SRCAP: variants seen among roughly 807,000 people sequenced by gnomAD.
SRCAP encodes Snf2 related CREBBP activator protein, also known as chromatin remodeling protein SRCAP.
Under a neutral mutation model 263.1 loss-of-function variants are expected in SRCAP, and 46 were observed. The ratio of observed to expected loss-of-function variants is 0.17; its 90% CI spans 0.14 to 0.22. The LOEUF is 0.22. Among genes scored for constraint, SRCAP ranks in the 10% least tolerant of loss-of-function variants. The probability of loss-of-function intolerance (pLI) is 1.00; values close to 1 mark genes in which losing one functional copy is unlikely to be tolerated. For synonymous variants in SRCAP, 1,813 were observed against 1,662.1 expected, an observed-to-expected ratio of 1.09 and a Z score of -2.21; for missense variants, 3,695 against 4,181.9, an observed-to-expected ratio of 0.88 and a Z score of 3.21.
chr16:30,725,092 A>G lies in SRCAP; in HGVS notation c.5658+10A>G. ...TTCCCCTTTTTATCTGGTAAGTTTTACTTCCTCAAGAGGGAACAGGAAGTT... is the reference window on the plus strand; with the variant it reads ...TTCCCCTTTTTATCTGGTAAGTTTTGCTTCCTCAAGAGGGAACAGGAAGTT... On this transcript the variant is annotated intron_variant, in intron 25 of 33. Transcript: ENST00000262518. 3 of 1,596,274 alleles carry G rather than the reference A, an allele frequency of 1.9e-6. No individual in the cohort carries two copies. Among genetic ancestry groups the G allele is most frequent in the Non-Finnish European group, 8.5e-7 (1 of 1,170,696 alleles).
At chr16:30,720,605 T>C (rs2053001744) in intron 19 of SRCAP, 108 bp from the exon 20 acceptor site, 2 of 1,333,738 alleles carry the variant, frequency 1.5e-6, no homozygotes, top group South Asian at 1.5e-5. Flanking sequence ...TCTTTCCTTT[T>C]CTTTGCTTTT....
intron 25 of SRCAP, chr16:30,725,413 C>T: frequency 1.3e-5 from 4 of 305,792 alleles, no homozygotes; most frequent in South Asian, 1.1e-4. Context: ...CTGTTTCTTT[C>T]CTGTACTATG....
In SRCAP at chr16:30,733,179, C is replaced by T. The variant is rs2151298180; in HGVS notation, c.6128-101C>T. On this transcript the variant is annotated intron_variant, in intron 27 of 33. Coordinates refer to ENST00000262518, the MANE Select transcript of SRCAP (RefSeq NM_006662.3). The surrounding 1 kb of genome is among the most constrained non-coding windows in gnomAD (Gnocchi z 5.3). ...TCTGCTAGGCTAATTGAAACTTTGG[C>T]TTAAAGCATTGATTATCTTTCAACC... 1 of 1,384,496 alleles carries T rather than the reference C, an allele frequency of 7.2e-7. No homozygotes were observed. The highest frequency in any genetic ancestry group is 2.3e-5 in the East Asian group (1 of 43,508). The allele number at this position is 1,384,496 out of a possible 1,614,324, so 85.8% of individuals were successfully genotyped here. A position where few individuals can be genotyped will look rare whatever the true frequency, so the allele number is the denominator to read the frequency against.
At chr16:30,701,182 T>C (rs376726997) in intron 3 of SRCAP, among the ~76,000 whole-genome samples, 10 of 152,322 alleles carry the variant, frequency 6.6e-5, no homozygotes, top group African/African-American at 2.4e-4. Flanking sequence ...TTAACTTCTA[T>C]CAGTACTGGA....
Position 30,725,264 on chromosome 16 carries a change from G to A in SRCAP, c.5658+182G>A, listed in dbSNP as rs182023162. On this transcript the variant is annotated intron_variant, in intron 25 of 33. Coordinates refer to ENST00000262518, the MANE Select transcript of SRCAP (RefSeq NM_006662.3). ...TCCCTGGGCGTGTACCTCATGATCC[G>A]CCTGCCTCAGCCTCCTGAAGTGTTA... The A allele has an allele frequency of 2.0e-5, 25 of 1,253,986 alleles. No individual in the cohort carries two copies. In the East Asian group the frequency reaches 3.8e-4, roughly 19 times the overall value. 77.7% of individuals were successfully genotyped at this position (1,253,986 alleles called of 1,614,324 possible). A position where few individuals can be genotyped will look rare whatever the true frequency, so the allele number is the denominator to read the frequency against.
Position 30,711,102 on chromosome 16 carries a change from G to T in SRCAP, c.1318+14G>T, listed in dbSNP as rs1280044014. 1 of 1,603,356 alleles carries T rather than the reference G, an allele frequency of 6.2e-7. No homozygotes were observed. Among genetic ancestry groups the T allele is most frequent in the Non-Finnish European group, 8.5e-7 (1 of 1,172,516 alleles). ...TGGCTCGAGAAGGTGACATTTACCA[G>T]ACATTTTACTAAGCATCCACTTGGT... is the stretch of plus-strand genomic sequence containing the variant. On this transcript the variant is annotated intron_variant, in intron 10 of 33. Coordinates refer to ENST00000262518, the MANE Select transcript of SRCAP (RefSeq NM_006662.3).
At chr16:30,703,723 T>C (rs1013584917) in intron 3 of SRCAP, among the ~76,000 whole-genome samples, 13 of 151,382 alleles carry the variant, frequency 8.6e-5, no homozygotes, top group Non-Finnish European at 1.6e-4. Flanking sequence ...GGTGAAACCC[T>C]GTCTCTACTA....
chr16:30,737,683 G>C lies in SRCAP; in HGVS notation c.7643G>C (p.Arg2548Thr). The change falls in exon 34 of 34, where the codon AGG becomes ACG. Residue 2548 changes from arginine to threonine, a missense_variant. Transcript: ENST00000262518. Reference protein sequence around the residue: ...ASVTNLPLGLRPEAELCAQAL... With the variant: ...ASVTNLPLGLTPEAELCAQAL... Reference sequence around the variant, plus strand: ...GTCACTAATCTCCCCTTGGGCTTGAGGCCTGAGGCAGAGCTGTGTGCCCAG... The same window carrying C: ...GTCACTAATCTCCCCTTGGGCTTGACGCCTGAGGCAGAGCTGTGTGCCCAG... 6.2e-7 allele frequency: 1 copy of C among 1,614,084 alleles called. No individual in the cohort carries two copies. Among genetic ancestry groups the C allele is most frequent in the Non-Finnish European group, 8.5e-7 (1 of 1,180,040 alleles).
In SRCAP at chr16:30,739,017, G is replaced by A. The variant is rs141276223; in HGVS notation, c.8977G>A (p.Val2993Ile). The A allele has an allele frequency of 9.9e-6, 16 of 1,613,744 alleles. No individual in the cohort carries two copies. In the African/African-American group the frequency reaches 2.0e-4, roughly 20 times the overall value. ...VCPTATVANTVTTVTISTSPP... is the reference protein window; with the variant it reads ...VCPTATVANTITTVTISTSPP... ...TCCCACTGCTACTGTTGCCAACACT[G>A]TCACCACTGTCACCATTTCAACGTC... The change falls in exon 34 of 34, where the codon GTC (valine) becomes ATC (isoleucine). Residue 2993 changes from valine to isoleucine, a missense_variant. Coordinates refer to ENST00000262518, the MANE Select transcript of SRCAP (RefSeq NM_006662.3).
rs747815056 is a variant in SRCAP at position 30,710,490 on chromosome 16, A to T, written c.1135-264A>T. The T allele has an allele frequency of 3.4e-5, 25 of 738,282 alleles. No homozygotes were observed. The Admixed American group carries it at 4.3e-4, about 13-fold the overall frequency. 45.7% of individuals were successfully genotyped at this position (738,282 alleles called of 1,614,324 possible). On this transcript the variant is annotated intron_variant, in intron 8 of 33. Transcript: ENST00000262518. ...ACCCTTAAGTCTTTTCTGTTTCTCC[A>T]TATGTCTCAAGTGCATGGGGAAGTG...
At chr16:30,727,991 CT>C (rs1423169458) in intron 25 of SRCAP, among the ~76,000 whole-genome samples, 1 of 152,172 alleles carries the variant, frequency 6.6e-6, no homozygotes, top group Non-Finnish European at 1.5e-5. Context: ...CAGATTTTCT[CT>C]TTTTGCTACT....
intron 16 of SRCAP, among the ~76,000 whole-genome samples, chr16:30,715,801 T>A (rs576180467): frequency 6.6e-6 from 1 of 152,326 alleles, no homozygotes; most frequent in African/African-American, 2.4e-5. Context: ...CAATTACTCC[T>A]CAAAATCTAG....
intron 18 of SRCAP, among the ~76,000 whole-genome samples, chr16:30,719,442 C>T (rs2151291996): frequency 6.6e-6 from 1 of 152,062 alleles, no homozygotes; most frequent in Non-Finnish European, 1.5e-5. Context: ...GTCTTGAACT[C>T]CTGACCTCGT....
chr16:30,707,080 A>G, intron 4 of SRCAP, 103 bp from the exon 5 acceptor site: 1 of 1,164,488 alleles, frequency 8.6e-7, no homozygotes. Flanking sequence ...GACTAAACAT[A>G]AGCATAACAC....
Position 30,736,175 on chromosome 16 carries a change from C to A in SRCAP, c.6730-25C>A, listed in dbSNP as rs570752204. ...TAAAGTACTTGAAGTCTCATGTTTT[C>A]TTTTTCTTTTATACACCCTGGTAGG... On this transcript the variant is annotated intron_variant, in intron 31 of 33. Coordinates refer to ENST00000262518, the MANE Select transcript of SRCAP (RefSeq NM_006662.3). 22 of 1,612,198 alleles carry A rather than the reference C, an allele frequency of 1.4e-5. No individual in the cohort carries two copies. The South Asian group carries it at 2.1e-4, about 15-fold the overall frequency.
intron 6 of SRCAP, among the ~76,000 whole-genome samples, chr16:30,708,144 A>G (rs1342171737): frequency 2.6e-5 from 4 of 152,028 alleles, no homozygotes; most frequent in Non-Finnish European, 5.9e-5. Flanking sequence ...ATCTCTGTCC[A>G]TTTACACATA....
chr16:30,737,512 T>C lies in SRCAP; in HGVS notation c.7472T>C (p.Ile2491Thr). 2 of 1,599,612 alleles carry C rather than the reference T, an allele frequency of 1.3e-6. No homozygotes were observed. Residue 2491 changes from isoleucine to threonine, a missense_variant, in exon 34 of 34, where the codon ATT becomes ACT. By Grantham distance (89) the Ile-to-Thr change is moderately conservative. This residue lies in a region of SRCAP where 1,207 missense variants were observed against 1,142.9 expected (regional missense o/e 1.06). Coordinates refer to ENST00000262518, the MANE Select transcript of SRCAP (RefSeq NM_006662.3). ...CCTTCTCCTCCCCCTCCTTCACAGATTCCTCCTTGTTCTTCTCCTGCCTGC... is the reference window on the plus strand; with the variant it reads ...CCTTCTCCTCCCCCTCCTTCACAGACTCCTCCTTGTTCTTCTCCTGCCTGC... ...ILPSPPPPSQIPPCSSPACTP... is the reference protein window; with the variant it reads ...ILPSPPPPSQTPPCSSPACTP...
chr16:30,705,368 A>G (rs1018978326), intron 4 of SRCAP, among the ~76,000 whole-genome samples: 14 of 152,078 alleles, frequency 9.2e-5, no homozygotes, highest in African/African-American at 3.1e-4. Flanking sequence ...AGGGCCCAGC[A>G]ATGTTTTTAT....
chr16:30,731,524 T>C (rs1375742434), intron 27 of SRCAP, among the ~76,000 whole-genome samples: 1 of 152,228 alleles, frequency 6.6e-6, no homozygotes, highest in Non-Finnish European at 1.5e-5. Context: ...AAAAGTGTTT[T>C]TGTTACATTT....
Sources: gnomAD v4.1 joint callset for allele counts (sites outside exome capture counted in the v4.1 genomes callset) on GRCh38, gnomAD v4.1.1 for gene constraint, gnomAD v4.1.1 regional missense constraint, Gnocchi (gnomAD v3.1) non-coding constraint, MANE v1.5 for transcripts, NCBI Gene and HGNC (gene_info 2026-07-23, HGNC 2026-07-21) for gene names.